The following CDCA7L variants were observed in gnomAD, a reference collection of about 807,000 sequenced individuals.
CDCA7L encodes cell division cycle-associated 7-like protein.
A neutral mutation model predicts 57.4 loss-of-function variants in CDCA7L; 44 were observed. That is an observed-to-expected ratio of 0.77 (90% CI 0.60 to 0.98). The LOEUF (loss-of-function observed/expected upper bound fraction) is 0.98. Among genes scored for constraint, CDCA7L ranks in the 50% least tolerant of loss-of-function variants. The probability of loss-of-function intolerance (pLI) is 0.00; values close to 1 mark genes in which losing one functional copy is unlikely to be tolerated. For synonymous variants in CDCA7L, 236 were observed against 202.8 expected (o/e 1.16, Z -1.39); for missense variants, 644 against 580.6 (o/e 1.11, Z -1.12).
At chr7:21,902,665 A>C (rs1583835546) in intron 9 of CDCA7L, 1 of 495,296 alleles carries the variant, frequency 2.0e-6, no homozygotes, top group African/African-American at 1.9e-5. Context: ...CTGCCTCTTC[A>C]TAATCTGTGT....
At chr7:21,929,914 C>T (rs1351855007) in intron 1 of CDCA7L, among the ~76,000 whole-genome samples, 1 of 152,118 alleles carries the variant, frequency 6.6e-6, no homozygotes, top group Non-Finnish European at 1.5e-5. Flanking sequence ...ATCAAAGAGA[C>T]AGCAAATTAA....
rs574035302 is a variant in CDCA7L at position 21,929,065 on chromosome 7, G to C, written c.25-12171C>G. On this transcript the variant is annotated intron_variant, in intron 1 of 9. Transcript: ENST00000406877. ...TAAGGGCAGCCAGAGAGAAAGGTCAGGTTAACCACAAAGGGAAGCCCATCA... is the reference window on the plus strand; with the variant it reads ...TAAGGGCAGCCAGAGAGAAAGGTCACGTTAACCACAAAGGGAAGCCCATCA... 1.1e-4 allele frequency among the ~76,000 whole-genome samples: 17 copies of C among 152,276 alleles called. No individual in the cohort carries two copies. In the South Asian group the frequency reaches 3.1e-3, roughly 28 times the overall value.
chr7:21,933,248 C>A (rs1786070850), intron 1 of CDCA7L, among the ~76,000 whole-genome samples: 1 of 152,146 alleles, frequency 6.6e-6, no homozygotes, highest in Non-Finnish European at 1.5e-5. Context: ...TGTGGCGATT[C>A]CTCAAGGATC....
At chr7:21,928,912 C>G (rs1268319591) in intron 1 of CDCA7L, among the ~76,000 whole-genome samples, 1 of 152,122 alleles carries the variant, frequency 6.6e-6, no homozygotes, top group Non-Finnish European at 1.5e-5. Context: ...ACTTCCCCAA[C>G]CTAGCAAGAC....
intron 2 of CDCA7L, 75 bp downstream of exon 2, chr7:21,916,679 T>C (rs531710133): frequency 1.4e-4 from 199 of 1,380,500 alleles, no homozygotes; most frequent in Non-Finnish European, 1.9e-4. Context: ...TCACACCATG[T>C]TCAAATAAAA....
intron 1 of CDCA7L, among the ~76,000 whole-genome samples, chr7:21,931,233 T>C (rs1382034976): frequency 6.6e-6 from 1 of 152,134 alleles, no homozygotes; most frequent in Non-Finnish European, 1.5e-5. Context: ...TCTAAAACTA[T>C]TCCAAACAAC....
At position 21,900,913 on chromosome 7, in the gene CDCA7L, A is replaced by C; in HGVS notation, c.*1409T>G. On this transcript the variant is annotated 3_prime_UTR_variant, in exon 10 of 10. Coordinates refer to ENST00000406877, the MANE Select transcript of CDCA7L (RefSeq NM_018719.5). ...ACAAGCAAAAATATGACAAAACCAG[A>C]ATGTTGAATGTTTATTGCATCAAAC... 1.4e-6 allele frequency: 2 copies of C among 1,467,912 alleles called. No homozygotes were observed. The highest frequency in any genetic ancestry group is 1.8e-6 in the Non-Finnish European group (2 of 1,110,686). 90.9% of individuals were successfully genotyped at this position (1,467,912 alleles called of 1,614,324 possible).
rs559984327 is a variant in CDCA7L at position 21,901,779 on chromosome 7, T to C, written c.*543A>G. The stretch of plus-strand genomic sequence containing the variant: ...GGCCTCCAGTGTCCAGTGTCTACAA[T>C]GTTGATGGTCCCCTTTTGTTCAGTC... On this transcript the variant is annotated 3_prime_UTR_variant, in exon 10 of 10. Coordinates refer to ENST00000406877, the MANE Select transcript of CDCA7L (RefSeq NM_018719.5). The C allele has an allele frequency of 3.9e-4, 63 of 161,460 alleles. No homozygotes were observed. Among genetic ancestry groups the C allele is most frequent in the Admixed American group, 1.2e-4 (2 of 17,002 alleles). The allele number at this position is 161,460 out of a possible 1,614,324, so 10.0% of individuals were successfully genotyped here.
At position 21,901,501 on chromosome 7, in the gene CDCA7L, AAAGGTTGCAGTGAGCC is replaced by A. The variant is rs1333884385; in HGVS notation, c.*805_*820del. 5.3e-6 allele frequency: 2 copies of A among 373,946 alleles called. No homozygotes were observed. The highest frequency in any genetic ancestry group is 5.6e-5 in the East Asian group (1 of 17,774). 23.2% of individuals were successfully genotyped at this position (373,946 alleles called of 1,614,324 possible). A position where few individuals can be genotyped will look rare whatever the true frequency, so the allele number is the denominator to read the frequency against. ...GGAGAATCACTTGAACCTAGGAGGCAAAGGTTGCAGTGAGCCGAGGTTGCACCACTGCACTCCCTCC... is the reference window on the plus strand; with the variant it reads ...GGAGAATCACTTGAACCTAGGAGGCAGAGGTTGCACCACTGCACTCCCTCC... On this transcript the variant is annotated 3_prime_UTR_variant, in exon 10 of 10. Transcript: ENST00000406877.
chr7:21,942,242 CTT>C (rs1040667152), intron 1 of CDCA7L, among the ~76,000 whole-genome samples: 2 of 152,316 alleles, frequency 1.3e-5, no homozygotes, highest in African/African-American at 2.4e-5. Flanking sequence ...AGACTCCACA[CTT>C]TATTTCTGTG....
chr7:21,912,981 G>A (rs1034852018), intron 2 of CDCA7L, among the ~76,000 whole-genome samples: 3 of 151,748 alleles, frequency 2.0e-5, no homozygotes, highest in South Asian at 2.1e-4. Flanking sequence ...CTGCAAGCCC[G>A]CCACACCTCA....
chr7:21,928,169 G>A (rs563005958), intron 1 of CDCA7L, among the ~76,000 whole-genome samples: 19 of 152,246 alleles, frequency 1.2e-4, no homozygotes, highest in Middle Eastern at 3.4e-3. Context: ...GGTCTGGAGC[G>A]GGCCTCCAGC....
At chr7:21,904,562 G>A (rs953381977) in intron 7 of CDCA7L, among the ~76,000 whole-genome samples, 2 of 152,282 alleles carry the variant, frequency 1.3e-5, no homozygotes, top group African/African-American at 2.4e-5. Flanking sequence ...GATTCTCATA[G>A]GAGCACAAAC....
intron 1 of CDCA7L, among the ~76,000 whole-genome samples, chr7:21,926,738 T>C (rs1785842484): frequency 6.6e-6 from 1 of 152,106 alleles, no homozygotes; most frequent in South Asian, 2.1e-4. Flanking sequence ...CTAGGCATGA[T>C]GGCACATGCC....
Position 21,911,765 on chromosome 7 carries a change from G to A in CDCA7L, c.166-11C>T, listed in dbSNP as rs201246341. ...AAAGCGCACATCCTGCTAAATTAAA[G>A]ACACACATACATCAGAGACGGAAAG... On this transcript the variant is annotated splice_polypyrimidine_tract_variant and intron_variant, in intron 2 of 9. Coordinates refer to ENST00000406877, the MANE Select transcript of CDCA7L (RefSeq NM_018719.5). The A allele has an allele frequency of 6.2e-7, 1 of 1,610,324 alleles. No individual in the cohort carries two copies.
At position 21,905,562 on chromosome 7, in the gene CDCA7L, C is replaced by G. The variant is rs891581588; in HGVS notation, c.991G>C (p.Glu331Gln). Residue 331 changes from glutamate to glutamine, a missense_variant, in exon 7 of 10, where the codon GAG (glutamate) becomes CAG (glutamine). Physicochemically the swap from Glu to Gln is conservative, Grantham distance 29. Transcript: ENST00000406877. ...GTTATGGCAACATTTTCTAAGTCCT[C>G]TTCGGTGATATCCTCCACTGGCCGA... ...SFRPVEDITE[E>Q]DLENVAITVR... 2 of 1,614,102 alleles carry G rather than the reference C, an allele frequency of 1.2e-6. No homozygotes were observed. Among genetic ancestry groups the G allele is most frequent in the South Asian group, 2.2e-5 (2 of 91,078 alleles).
chr7:21,930,321 G>T (rs1785966471), intron 1 of CDCA7L, among the ~76,000 whole-genome samples: 1 of 152,120 alleles, frequency 6.6e-6, no homozygotes, highest in African/African-American at 2.4e-5. Flanking sequence ...AAGCAGTGTT[G>T]AGAGGGAAAT....
At chr7:21,902,644 T>C (rs994987569) in intron 9 of CDCA7L, 2 of 519,624 alleles carry the variant, frequency 3.8e-6, no homozygotes, top group African/African-American at 3.8e-5. Flanking sequence ...CTCTCTGCAC[T>C]AGGATTATGG....
rs750316250 is a variant in CDCA7L at position 21,908,433 on chromosome 7, ATCT to A, written c.375_377del (p.Glu125del). 6.3e-5 allele frequency: 99 copies of A among 1,579,666 alleles called. No individual in the cohort carries two copies. The East Asian group carries it at 1.4e-3, about 22-fold the overall frequency. ...ACCTGCTTCTTCTAGGGGTAGCCTT[ATCT>A]TCTTCTTCATCTTCCTCTTCCTCGC... On this transcript the variant is annotated inframe_deletion, in exon 4 of 10. Coordinates refer to ENST00000406877, the MANE Select transcript of CDCA7L (RefSeq NM_018719.5).
Sources: gnomAD v4.1 joint callset for allele counts (sites outside exome capture counted in the v4.1 genomes callset) on GRCh38, gnomAD v4.1.1 for gene constraint, MANE v1.5 for transcripts, NCBI Gene and HGNC (gene_info 2026-07-23, HGNC 2026-07-21) for gene names.